The following ZPBP variants were observed in gnomAD, a reference collection of about 807,000 sequenced individuals.
ZPBP encodes the protein zona pellucida binding protein.
ZPBP carries 26 observed loss-of-function variants against 44.8 expected under a neutral mutation model. The observed-to-expected ratio is 0.58, with a 90% CI of 0.43 to 0.81. The LOEUF (loss-of-function observed/expected upper bound fraction) is 0.81, where lower values mean the gene tolerates loss of function less well. ZPBP is among the 30% of genes least tolerant of loss of function. ZPBP has a pLI of 0.00. For missense variants in ZPBP, 409 were observed against 434.0 expected (o/e 0.94, Z 0.51); for synonymous variants, 174 against 153.2 (o/e 1.14, Z -1.00).
intron 2 of ZPBP, among the ~76,000 whole-genome samples, chr7:49,891,307 A>G (rs1792118630): frequency 6.6e-6 from 1 of 152,238 alleles, no homozygotes; most frequent in South Asian, 2.1e-4. Flanking sequence ...CTAATTATAT[A>G]TGTAACTAAT....
chr7:50,016,280 G>A (rs549543782), intron 6 of ZPBP, among the ~76,000 whole-genome samples: 12 of 152,228 alleles, frequency 7.9e-5, no homozygotes, highest in African/African-American at 2.9e-4. Flanking sequence ...TGCAGCTGGA[G>A]GCCATTATCC....
At chr7:49,958,691 T>A (rs971344689) in intron 7 of ZPBP, among the ~76,000 whole-genome samples, 1 of 152,210 alleles carries the variant, frequency 6.6e-6, no homozygotes, top group Non-Finnish European at 1.5e-5. Flanking sequence ...GTTTTATCTA[T>A]GATAGCAGCA....
chr7:49,940,982 A>C lies in ZPBP; in HGVS notation c.962-3360T>G, dbSNP rs552602233. 1.5e-4 allele frequency among the ~76,000 whole-genome samples: 23 copies of C among 152,284 alleles called. No individual in the cohort carries two copies. In the South Asian group the frequency reaches 2.5e-3, roughly 16 times the overall value. ...GAGCCTCTTAGAGAAGAAGATATCT[A>C]AAAGCAGCCATGTATACAGAGGATT... is the stretch of plus-strand genomic sequence containing the variant. On this transcript the variant is annotated intron_variant, in intron 7 of 7. Transcript: ENST00000046087.
At chr7:49,969,812 T>G (rs566645990) in intron 7 of ZPBP, among the ~76,000 whole-genome samples, 2,334 of 114,036 alleles carry the variant, frequency 0.02, 167 homozygotes, top group Admixed American at 0.15. Flanking sequence ...TGTATATATA[T>G]ATATATAGAG....
chr7:49,959,322 A>G (rs1378816117), intron 7 of ZPBP, among the ~76,000 whole-genome samples: 1 of 151,236 alleles, frequency 6.6e-6, no homozygotes, highest in Non-Finnish European at 1.5e-5. Flanking sequence ...TGCAGAACAT[A>G]TATTTATATT....
At chr7:50,059,030 A>G (rs1040783839) in intron 3 of ZPBP, among the ~76,000 whole-genome samples, 5 of 152,220 alleles carry the variant, frequency 3.3e-5, no homozygotes, top group African/African-American at 7.2e-5. Context: ...AATGAATGCT[A>G]AAGTACTTGG....
downstream of ZPBP, among the ~76,000 whole-genome samples, chr7:49,849,626 A>G (rs1790094429): frequency 2.6e-5 from 4 of 152,216 alleles, no homozygotes; most frequent in Admixed American, 2.6e-4. Flanking sequence ...TCAGTGTGAG[A>G]ACATGCACCA....
chr7:49,953,900 T>C (rs1463902950), intron 7 of ZPBP, among the ~76,000 whole-genome samples: 1 of 152,060 alleles, frequency 6.6e-6, no homozygotes, highest in Non-Finnish European at 1.5e-5. Flanking sequence ...GATCTAGAGA[T>C]TCAATACAAT....
intron 1 of ZPBP, among the ~76,000 whole-genome samples, chr7:49,930,952 AG>A (rs1209702609): frequency 6.6e-6 from 1 of 152,190 alleles, no homozygotes; most frequent in Admixed American, 6.5e-5. Context: ...GTAATTGAAT[AG>A]TGGGGGCAAG....
chr7:49,961,467 C>T (rs1795858245), intron 7 of ZPBP, among the ~76,000 whole-genome samples: 1 of 152,010 alleles, frequency 6.6e-6, no homozygotes, highest in African/African-American at 2.4e-5. Context: ...GAGAGGTCAG[C>T]TAGATTAAAA....
intron 2 of ZPBP, among the ~76,000 whole-genome samples, chr7:49,864,023 G>A (rs691466): frequency 0.062 from 9,480 of 151,902 alleles, 974 homozygotes; most frequent in African/African-American, 0.22. Flanking sequence ...GTTTATTATA[G>A]TGTGGTAAAA....
intron 4 of ZPBP, among the ~76,000 whole-genome samples, chr7:50,051,518 T>C (rs1184491819): frequency 6.6e-6 from 1 of 151,902 alleles, no homozygotes; most frequent in African/African-American, 2.4e-5. Context: ...TTGAAGCAAA[T>C]AATGATTCCA....
downstream of ZPBP, among the ~76,000 whole-genome samples, chr7:49,846,832 C>T (rs1381767622): frequency 6.6e-6 from 1 of 152,154 alleles, no homozygotes; most frequent in Admixed American, 6.5e-5. Context: ...CATTTGACAG[C>T]CAGAGAAGTA....
At position 50,003,635 on chromosome 7, in the gene ZPBP, A is replaced by G. The variant is rs372088894; in HGVS notation, c.783+14605T>C. On this transcript the variant is annotated intron_variant, in intron 6 of 7. Transcript: ENST00000046087. ...GGATACCAGATTGGAGGCCACTGAC[A>G]GCAAAGGCAGGTGATGTGGTGTGCT... is the stretch of plus-strand genomic sequence containing the variant. 1.1e-4 allele frequency among the ~76,000 whole-genome samples: 17 copies of G among 152,240 alleles called. No individual in the cohort carries two copies. In the East Asian group the frequency reaches 2.9e-3, roughly 26 times the overall value.
At chr7:49,917,131 T>G (rs1793765099) in intron 1 of ZPBP, 1 of 152,220 alleles carries the variant, frequency 6.6e-6, no homozygotes, top group Non-Finnish European at 1.5e-5. Context: ...ATTAAACACC[T>G]CAGTAGGTAT....
chr7:50,078,190 A>G (rs1802194482), intron 3 of ZPBP, among the ~76,000 whole-genome samples: 1 of 151,686 alleles, frequency 6.6e-6, no homozygotes, highest in African/African-American at 2.4e-5. Flanking sequence ...CTAAAAATCA[A>G]ATCAATTGAA....
At chr7:49,866,220 C>T (rs1033883445) in intron 2 of ZPBP, among the ~76,000 whole-genome samples, 3 of 152,188 alleles carry the variant, frequency 2.0e-5, no homozygotes, top group Non-Finnish European at 4.4e-5. Context: ...AACCAATAGA[C>T]CCTTCGCCAG....
chr7:49,938,490 T>C (rs1794708882), intron 7 of ZPBP, among the ~76,000 whole-genome samples: 1 of 152,202 alleles, frequency 6.6e-6, no homozygotes, highest in Non-Finnish European at 1.5e-5. Context: ...TTAGTTCCAC[T>C]ATCCTTATTT....
chr7:50,074,957 G>T (rs888577242), intron 3 of ZPBP, among the ~76,000 whole-genome samples: 1 of 151,836 alleles, frequency 6.6e-6, no homozygotes, highest in African/African-American at 2.4e-5. Context: ...TCTAAGAGCT[G>T]CAGAATACAC....
Sources: allele counts gnomAD v4.1 joint callset (sites outside exome capture counted in the v4.1 genomes callset), GRCh38; gene constraint gnomAD v4.1.1; transcripts MANE v1.5; gene names NCBI Gene and HGNC (gene_info 2026-07-23, HGNC 2026-07-21).